The following HELQ variants were observed in gnomAD, a reference collection of about 807,000 sequenced individuals.
HELQ encodes the protein helicase POLQ-like.
HELQ carries 77 observed loss-of-function variants against 111.6 expected under a neutral mutation model. That is an observed-to-expected ratio of 0.69 (90% CI 0.57 to 0.83). The LOEUF (loss-of-function observed/expected upper bound fraction) is 0.83, where lower values mean the gene tolerates loss of function less well. Among genes scored for constraint, HELQ ranks in the 40% least tolerant of loss-of-function variants. The probability of loss-of-function intolerance (pLI) is 0.00; values close to 1 mark genes in which losing one functional copy is unlikely to be tolerated. For synonymous variants in HELQ, 438 were observed against 454.7 expected (o/e 0.96, Z 0.47); for missense variants, 1,200 against 1,288.5 (o/e 0.93, Z 1.05).
At chr4:83,447,985 G>T (rs542250088) in intron 3 of HELQ, among the ~76,000 whole-genome samples, 3 of 152,148 alleles carry the variant, frequency 2.0e-5, no homozygotes, top group African/African-American at 7.2e-5. Context: ...CGAGGTGGGA[G>T]GATCACTTTA....
At chr4:83,444,894 G>A (rs1387345170) in intron 5 of HELQ, among the ~76,000 whole-genome samples, 2 of 152,200 alleles carry the variant, frequency 1.3e-5, no homozygotes, top group Non-Finnish European at 2.9e-5. Flanking sequence ...ATTTGGGAAA[G>A]ATCATTCTTC....
intron 15 of HELQ, 91 bp downstream of exon 15, chr4:83,421,472 T>C: frequency 1.1e-6 from 1 of 874,476 alleles, no homozygotes; most frequent in African/African-American, 1.7e-5. Context: ...AAGGAGAAAA[T>C]GCTGACATAC....
intron 14 of HELQ, 67 bp downstream of exon 14, chr4:83,425,927 T>C (rs1190063487): frequency 1.0e-5 from 8 of 794,772 alleles, no homozygotes; most frequent in African/African-American, 1.7e-5. Context: ...TTTTGTTGAG[T>C]GAACTTAGTG....
In HELQ at chr4:83,420,359, C is replaced by T. The variant is rs540752076; in HGVS notation, c.2949+1204G>A. 1.4e-4 allele frequency among the ~76,000 whole-genome samples: 22 copies of T among 152,228 alleles called. No homozygotes were observed. In the South Asian group the frequency reaches 2.1e-3, roughly 14 times the overall value. ...GGCAATCAAGAGAATATGGGCCAGG[C>T]GTGGCGGCTCATGCCTGTAATCCCA... On this transcript the variant is annotated intron_variant, in intron 15 of 17. Transcript: ENST00000295488.
chr4:83,435,973 CAA>C lies in HELQ; in HGVS notation c.2048+883_2048+884del, dbSNP rs5859872. On this transcript the variant is annotated intron_variant, in intron 9 of 17. Transcript: ENST00000295488. ...AGAATGGAAAAAGGTACATACGTGG[CAA>C]AAAAAAAAAATGAGTCCTGGTATTC... 9.2e-3 allele frequency among the ~76,000 whole-genome samples: 1,312 copies of C among 142,590 alleles called. 13 individuals are homozygous for C. The highest frequency in any genetic ancestry group is 0.03 in the African/African-American group (1,212 of 39,794). The allele number at this position is 142,590 out of a possible 152,430, so 93.5% of individuals were successfully genotyped here.
At chr4:83,444,885 T>C in intron 5 of HELQ, among the ~76,000 whole-genome samples, 1 of 152,164 alleles carries the variant, frequency 6.6e-6, no homozygotes. Context: ...TGGATTTGCA[T>C]TTGGGAAAGA....
At chr4:83,448,409 C>T (rs1186918588) in intron 3 of HELQ, among the ~76,000 whole-genome samples, 2 of 152,060 alleles carry the variant, frequency 1.3e-5, no homozygotes. Flanking sequence ...GTGGCTCATG[C>T]CTGTAATACC....
At chr4:83,439,094 G>C (rs1484480613) in intron 8 of HELQ, among the ~76,000 whole-genome samples, 1 of 151,586 alleles carries the variant, frequency 6.6e-6, no homozygotes, top group African/African-American at 2.4e-5. Context: ...TTGAGACTGA[G>C]TCTCCCTCTG....
chr4:83,428,436 C>CTG (rs1719960672), intron 12 of HELQ, among the ~76,000 whole-genome samples: 1 of 152,096 alleles, frequency 6.6e-6, no homozygotes, highest in Non-Finnish European at 1.5e-5. Context: ...TGACATGCCC[C>CTG]TGTAGTCCCA....
intron 3 of HELQ, among the ~76,000 whole-genome samples, chr4:83,448,513 C>G (rs1205207968): frequency 6.6e-6 from 1 of 151,586 alleles, no homozygotes; most frequent in Admixed American, 6.6e-5. Flanking sequence ...CTACTAAAAA[C>G]ACAAAAATTG....
intron 8 of HELQ, among the ~76,000 whole-genome samples, chr4:83,439,367 C>CTTT (rs34289754): frequency 6.9e-6 from 1 of 144,406 alleles, no homozygotes. Flanking sequence ...GCCTGGTCTT[C>CTTT]TTTTTTTTTT....
At chr4:83,451,132 T>G (rs1325140901) in intron 2 of HELQ, among the ~76,000 whole-genome samples, 1 of 152,206 alleles carries the variant, frequency 6.6e-6, no homozygotes, top group East Asian at 1.9e-4. Context: ...GGTAAAAAGA[T>G]TTAAAAAGTT....
chr4:83,437,772 T>C (rs1259976817), intron 8 of HELQ, among the ~76,000 whole-genome samples: 3 of 152,166 alleles, frequency 2.0e-5, no homozygotes, highest in Non-Finnish European at 4.4e-5. Flanking sequence ...TGTTTTTTTC[T>C]TTATAACATA....
intron 4 of HELQ, 143 bp downstream of exon 4, chr4:83,446,692 T>C (rs1027735534): frequency 1.8e-6 from 1 of 555,102 alleles, no homozygotes; most frequent in African/African-American, 1.9e-5. Context: ...AAGCATAGAA[T>C]GTCTTCACCT....
intron 3 of HELQ, 48 bp from the exon 4 acceptor site, chr4:83,447,083 AATGCCTGTAATCCCAG>A (rs1477806110): frequency 6.8e-5 from 21 of 308,464 alleles, no homozygotes; most frequent in Non-Finnish European, 9.3e-5. Context: ...CATTGTGGCC[AATGCCTGTAATCCCAG>A]TACCTTGGGA....
chr4:83,414,309 C>T (rs1421084181), intron 17 of HELQ, among the ~76,000 whole-genome samples: 1 of 152,154 alleles, frequency 6.6e-6, no homozygotes, highest in Non-Finnish European at 1.5e-5. Context: ...GCTGTAGCAC[C>T]ACAACAAACT....
At chr4:83,424,283 T>G (rs1719723981) in intron 14 of HELQ, among the ~76,000 whole-genome samples, 2 of 152,218 alleles carry the variant, frequency 1.3e-5, no homozygotes, top group African/African-American at 2.4e-5. Context: ...TGTTTTTATT[T>G]TACATTTCAG....
In HELQ at chr4:83,431,693, T is replaced by C; in HGVS notation, c.2266A>G (p.Thr756Ala). Residue 756 changes from threonine to alanine, a missense_variant, in exon 11 of 18, where the codon ACA becomes GCA. Transcript: ENST00000295488. ...LVQEFTKGIQ[T>A]LFLSLIGLKI... ...AAACCAATCAAAGAGAGAAATAATG[T>C]TTGGATTCCCTTGGTGAATTCCTGA... 6.4e-7 allele frequency: 1 copy of C among 1,559,794 alleles called. No homozygotes were observed. The highest frequency in any genetic ancestry group is 8.7e-7 in the Non-Finnish European group (1 of 1,151,348).
chr4:83,425,976 A>T lies in HELQ; in HGVS notation c.2775+18T>A. The T allele has an allele frequency of 7.1e-7, 1 of 1,404,910 alleles. No individual in the cohort carries two copies. The highest frequency in any genetic ancestry group is 1.0e-6 in the Non-Finnish European group (1 of 999,320). The allele number at this position is 1,404,910 out of a possible 1,614,324, so 87.0% of individuals were successfully genotyped here. On this transcript the variant is annotated intron_variant, in intron 14 of 17. Coordinates refer to ENST00000295488, the MANE Select transcript of HELQ (RefSeq NM_133636.5). ...TTGAGTGAACTTATTATTTAGGAAGAAAAAAAGAATGTGGTACCTTTCCGA... is the reference window on the plus strand; with the variant it reads ...TTGAGTGAACTTATTATTTAGGAAGTAAAAAAGAATGTGGTACCTTTCCGA...
Sources: gnomAD v4.1 joint callset for allele counts (sites outside exome capture counted in the v4.1 genomes callset) on GRCh38, gnomAD v4.1.1 for gene constraint, MANE v1.5 for transcripts, NCBI Gene and HGNC (gene_info 2026-07-23, HGNC 2026-07-21) for gene names.